MYT1L: variants seen among roughly 807,000 people sequenced by gnomAD.
MYT1L encodes myelin transcription factor 1 like.
A neutral mutation model predicts 126.7 loss-of-function variants in MYT1L; 12 were observed. That is an observed-to-expected ratio of 0.09 (90% CI 0.06 to 0.15). The LOEUF is 0.15. Among genes scored for constraint, MYT1L ranks in the 10% least tolerant of loss-of-function variants. MYT1L has a pLI of 1.00. For synonymous variants in MYT1L, 541 were observed against 604.2 expected, an observed-to-expected ratio of 0.90 and a Z score of 1.53; for missense variants, 979 against 1,585.2, an observed-to-expected ratio of 0.62 and a Z score of 6.49.
intron 2 of MYT1L, among the ~76,000 whole-genome samples, chr2:2,249,888 G>C (rs2094602816): frequency 1.3e-5 from 2 of 151,972 alleles, no homozygotes; most frequent in African/African-American, 2.4e-5. Context: ...TTTCTCAAAA[G>C]ACATACAAAT....
chr2:2,131,559 A>G (rs1405904001), intron 3 of MYT1L, among the ~76,000 whole-genome samples: 1 of 152,150 alleles, frequency 6.6e-6, no homozygotes, highest in African/African-American at 2.4e-5. Context: ...GAGATGACAA[A>G]GCACATTAGT....
rs75900613 is a variant in MYT1L, at chr2:1,848,477, G to A, written c.2774+3164C>T. ...CTCACAACAGCCCACAGTACAGGAG[G>A]AGGATGCCTTGAACCCACACAACTA... is the stretch of plus-strand genomic sequence containing the variant. On this transcript the variant is annotated intron_variant, in intron 19 of 24. Transcript: ENST00000647738. This position sits in a 1 kb window ranked among gnomAD's most constrained non-coding sequence, Gnocchi z 4.8. 7.9e-3 allele frequency among the ~76,000 whole-genome samples: 1,203 copies of A among 152,130 alleles called. 26 individuals are homozygous for A. Among genetic ancestry groups the A allele is most frequent in the African/African-American group, 0.028 (1,168 of 41,420 alleles).
chr2:2,004,706 CCTTTCCTGCGTGCCTT>C (rs368824738), intron 4 of MYT1L, among the ~76,000 whole-genome samples: 107 of 105,130 alleles, frequency 1.0e-3, no homozygotes, highest in African/African-American at 2.6e-3. Flanking sequence ...TTCCTGTGTG[CCTTTCCTGCGTGCCTT>C]CTTTCCTGCG....
chr2:2,025,113 A>G (rs558751545), intron 4 of MYT1L, among the ~76,000 whole-genome samples: 1 of 152,302 alleles, frequency 6.6e-6, no homozygotes, highest in East Asian at 1.9e-4. Flanking sequence ...AACCCAATAT[A>G]GATGGAAGTT....
At chr2:1,970,697 A>G (rs1029192291) in intron 8 of MYT1L, among the ~76,000 whole-genome samples, 4 of 152,292 alleles carry the variant, frequency 2.6e-5, no homozygotes, top group Admixed American at 2.6e-4. Flanking sequence ...AGATCTCCAT[A>G]GCGGCTGCCC....
At chr2:2,102,474 T>C (rs945239675) in intron 3 of MYT1L, among the ~76,000 whole-genome samples, 6 of 152,136 alleles carry the variant, frequency 3.9e-5, no homozygotes, top group African/African-American at 1.2e-4. Flanking sequence ...CTTAAACATA[T>C]CAATATTGTT....
At chr2:2,191,599 G>A (rs930009160) in intron 2 of MYT1L, among the ~76,000 whole-genome samples, 4 of 152,190 alleles carry the variant, frequency 2.6e-5, no homozygotes, top group African/African-American at 9.7e-5. Flanking sequence ...GCCTGGGACT[G>A]GTGTGCATGT....
At chr2:2,326,559 C>T (rs946446162) in intron 1 of MYT1L, 1 of 141,160 alleles carries the variant, frequency 7.1e-6, no homozygotes, top group Admixed American at 6.8e-5. Flanking sequence ...CTAAAATATT[C>T]CCCCCCGCCA....
chr2:2,168,531 C>A (rs976613618), intron 3 of MYT1L, among the ~76,000 whole-genome samples: 1 of 152,198 alleles, frequency 6.6e-6, no homozygotes, highest in Non-Finnish European at 1.5e-5. Flanking sequence ...AGGTAACGCA[C>A]TCATCCATTG....
chr2:1,983,364 G>A (rs895992501), intron 5 of MYT1L, among the ~76,000 whole-genome samples: 2 of 152,216 alleles, frequency 1.3e-5, no homozygotes, highest in Non-Finnish European at 2.9e-5. Context: ...TTCAGCCAAT[G>A]AAACCCAAAT....
intron 2 of MYT1L, among the ~76,000 whole-genome samples, chr2:2,271,671 A>G (rs2095265817): frequency 6.6e-6 from 1 of 152,164 alleles, no homozygotes; most frequent in Admixed American, 6.5e-5. Flanking sequence ...AACATCGAGG[A>G]GCCAGAAAGT....
At chr2:2,100,092 A>C (rs1435515454) in intron 3 of MYT1L, among the ~76,000 whole-genome samples, 1 of 152,190 alleles carries the variant, frequency 6.6e-6, no homozygotes, top group African/African-American at 2.4e-5. Context: ...AGGTATATTA[A>C]ACTTAAGTCA....
intron 3 of MYT1L, among the ~76,000 whole-genome samples, chr2:2,119,569 A>C (rs1236753404): frequency 2.6e-5 from 4 of 152,234 alleles, no homozygotes; most frequent in Admixed American, 2.6e-4. Context: ...GAAAAAATTC[A>C]TCTTAAAACC....
chr2:1,849,628 C>T (rs563683868), intron 19 of MYT1L, among the ~76,000 whole-genome samples: 36 of 152,340 alleles, frequency 2.4e-4, no homozygotes, highest in African/African-American at 6.5e-4. Flanking sequence ...GTGCGGAGGA[C>T]GGCCCCCACG....
intron 3 of MYT1L, among the ~76,000 whole-genome samples, chr2:2,092,608 C>G (rs1051736611): frequency 4.6e-5 from 7 of 152,200 alleles, no homozygotes; most frequent in African/African-American, 1.7e-4. Context: ...CATACACGAT[C>G]CGTGAAGCAC....
intron 18 of MYT1L, among the ~76,000 whole-genome samples, chr2:1,883,184 A>G (rs550981738): frequency 3.3e-5 from 5 of 152,336 alleles, no homozygotes; most frequent in African/African-American, 9.6e-5. Context: ...AAAGGCATGG[A>G]TAATAAGGAG....
intron 3 of MYT1L, among the ~76,000 whole-genome samples, chr2:2,134,926 C>T (rs1038271301): frequency 6.6e-6 from 1 of 152,148 alleles, no homozygotes; most frequent in Non-Finnish European, 1.5e-5. Context: ...GAAACTCTTG[C>T]ACCTCTTCAA....
At chr2:2,312,336 G>A (rs1330300287) in intron 1 of MYT1L, among the ~76,000 whole-genome samples, 2 of 152,080 alleles carry the variant, frequency 1.3e-5, no homozygotes, top group African/African-American at 2.4e-5. Flanking sequence ...TATGGCCCAG[G>A]GTAGTGGCTC....
At chr2:2,007,536 T>C (rs1278982580) in intron 4 of MYT1L, among the ~76,000 whole-genome samples, 5 of 152,108 alleles carry the variant, frequency 3.3e-5, no homozygotes, top group Non-Finnish European at 5.9e-5. Flanking sequence ...GAATGAGGAG[T>C]TGCTACCTGT....
Sources: allele counts gnomAD v4.1 joint callset (sites outside exome capture counted in the v4.1 genomes callset), GRCh38; gene constraint gnomAD v4.1.1; non-coding constraint Gnocchi (gnomAD v3.1); transcripts MANE v1.5; gene names NCBI Gene and HGNC (gene_info 2026-07-23, HGNC 2026-07-21).